Variants in SHANK2 observed in about 807,000 individuals in gnomAD.
SHANK2 encodes SH3 and multiple ankyrin repeat domains protein 2.
Under a neutral mutation model 133.7 loss-of-function variants are expected in SHANK2, and 43 were observed. The ratio of observed to expected loss-of-function variants is 0.32; its 90% confidence interval spans 0.25 to 0.41. SHANK2 has a LOEUF of 0.41. SHANK2 is among the 10% of genes least tolerant of loss of function. The probability of loss-of-function intolerance (pLI) is 1.00; values close to 1 mark genes in which losing one functional copy is unlikely to be tolerated. For synonymous variants in SHANK2, 1,017 were observed against 952.8 expected (o/e 1.07, Z -1.24); for missense variants, 1,994 against 2,235.8 (o/e 0.89, Z 2.18).
In SHANK2 at chr11:70,486,118, G is replaced by A. The variant is rs2058799965; in HGVS notation, c.4175C>T (p.Pro1392Leu). The A allele has an allele frequency of 6.2e-7, 1 of 1,613,744 alleles. No individual in the cohort carries two copies. Among genetic ancestry groups the A allele is most frequent in the Non-Finnish European group, 8.5e-7 (1 of 1,179,850 alleles). ...EEAVILPFRI[P>L]PPPLASVDLD... ...GTCCACGGATGCCAGAGGGGGAGGA[G>A]GGATGCGGAATGGCAAAATCACCGC... The change falls in exon 25 of 26, where the codon CCT becomes CTT. Residue 1392 changes from proline (P) to leucine (L), a missense_variant. Physicochemically the swap from Pro to Leu is moderately conservative, Grantham distance 98. This residue lies in a region of SHANK2 where 797 missense variants were observed against 907.4 expected (regional missense o/e 0.88). Transcript: ENST00000601538. The surrounding 1 kb of genome is among the most constrained non-coding windows in gnomAD (Gnocchi z 8.0).
At chr11:71,083,979 T>TG (rs1223657362) in intron 8 of SHANK2, among the ~76,000 whole-genome samples, 107,684 of 147,628 alleles carry the variant, frequency 0.73, 39,494 homozygotes, top group Admixed American at 0.78. Flanking sequence ...AACTTTTTTT[T>TG]GGGGGGGGGA....
At chr11:71,143,510 A>C (rs1952593120) in intron 3 of SHANK2, among the ~76,000 whole-genome samples, 1 of 152,196 alleles carries the variant, frequency 6.6e-6, no homozygotes, top group Non-Finnish European at 1.5e-5. Flanking sequence ...TCTTGTAAAC[A>C]AGCGTCTGAC....
intron 17 of SHANK2, among the ~76,000 whole-genome samples, chr11:70,541,175 CTGCCTAAGATGGAACGATG>C (rs1385538813): frequency 6.6e-6 from 1 of 152,216 alleles, no homozygotes. Context: ...GTTTTCCCTC[CTGCCTAAGATGGAACGATG>C]CTCCCTGATC....
Position 70,711,666 on chromosome 11 carries a change from G to A in SHANK2, c.1778-12903C>T, listed in dbSNP as rs549353249. 1.4e-4 allele frequency among the ~76,000 whole-genome samples: 21 copies of A among 152,214 alleles called. No homozygotes were observed. The South Asian group carries it at 3.1e-3, about 23-fold the overall frequency. On this transcript the variant is annotated intron_variant, in intron 14 of 25. Coordinates refer to ENST00000601538, the MANE Select transcript of SHANK2 (RefSeq NM_012309.5). ...CAAGCTGTTGGGTATGGGACCCACC[G>A]CGAGGGGGACAGAAGGGCGGGGACC...
chr11:71,090,843 G>A (rs982030152), intron 8 of SHANK2, among the ~76,000 whole-genome samples: 5 of 152,122 alleles, frequency 3.3e-5, no homozygotes, highest in African/African-American at 2.4e-5. Context: ...AGTGTTCAGC[G>A]GGAATCTGGA....
intron 17 of SHANK2, among the ~76,000 whole-genome samples, chr11:70,578,305 C>A (rs782556414): frequency 3.3e-5 from 5 of 152,348 alleles, no homozygotes; most frequent in Middle Eastern, 3.4e-3. Flanking sequence ...CTCCTGCTCC[C>A]CCAAGACAGG....
At chr11:70,758,549 T>C (rs1219183523) in intron 14 of SHANK2, among the ~76,000 whole-genome samples, 2 of 152,206 alleles carry the variant, frequency 1.3e-5, no homozygotes, top group Non-Finnish European at 2.9e-5. Flanking sequence ...ACTGACTGCA[T>C]GGCCCAGGAT....
intron 17 of SHANK2, among the ~76,000 whole-genome samples, chr11:70,619,467 T>A (rs781946035): frequency 2.6e-5 from 4 of 152,178 alleles, no homozygotes; most frequent in Non-Finnish European, 5.9e-5. Context: ...CTCCCCCTTA[T>A]AAGGACGCCT....
At chr11:70,506,860 G>A (rs1218991132) in intron 17 of SHANK2, among the ~76,000 whole-genome samples, 3 of 152,150 alleles carry the variant, frequency 2.0e-5, no homozygotes, top group Non-Finnish European at 4.4e-5. Flanking sequence ...ATGGCTTCCT[G>A]CCCTGGCAAG....
intron 17 of SHANK2, among the ~76,000 whole-genome samples, chr11:70,521,708 G>A (rs1441423900): frequency 5.3e-5 from 8 of 152,284 alleles, no homozygotes; most frequent in Admixed American, 1.3e-4. Flanking sequence ...GAGTGTGCAC[G>A]TGTGTGTGCA....
At chr11:70,545,599 G>A (rs907120933) in intron 17 of SHANK2, among the ~76,000 whole-genome samples, 12 of 152,210 alleles carry the variant, frequency 7.9e-5, no homozygotes, top group African/African-American at 1.2e-4. Flanking sequence ...CCCTCCGTAC[G>A]GCGCCTGCAC....
At chr11:70,504,479 C>T (rs1410151181) in intron 17 of SHANK2, among the ~76,000 whole-genome samples, 2 of 152,210 alleles carry the variant, frequency 1.3e-5, no homozygotes, top group East Asian at 1.9e-4. Context: ...GGGCAGTCCC[C>T]GTGCCAGCTG....
chr11:71,208,725 C>T (rs1256053270), intron 2 of SHANK2, among the ~76,000 whole-genome samples: 1 of 152,132 alleles, frequency 6.6e-6, no homozygotes. Flanking sequence ...TCTCCAGCCT[C>T]AGTTTCCTTA....
intron 17 of SHANK2, among the ~76,000 whole-genome samples, chr11:70,517,091 C>T (rs538981224): frequency 4.4e-4 from 67 of 152,248 alleles, no homozygotes; most frequent in African/African-American, 1.4e-3. Context: ...GAATAGACAA[C>T]TCACCAAAGA....
At chr11:71,119,079 C>G in intron 3 of SHANK2, 47 bp from the exon 4 acceptor site, 1 of 1,524,938 alleles carries the variant, frequency 6.6e-7, no homozygotes, top group East Asian at 2.5e-5. Context: ...AGGACGCTAC[C>G]TGAGTCACCC....
chr11:70,558,321 G>A (rs797038041), intron 17 of SHANK2, among the ~76,000 whole-genome samples: 5 of 152,364 alleles, frequency 3.3e-5, no homozygotes, highest in African/African-American at 1.2e-4. Context: ...TGCCACGGGA[G>A]CTCTCAGCAG....
intron 11 of SHANK2, among the ~76,000 whole-genome samples, chr11:70,870,845 C>T (rs1185467347): frequency 3.3e-5 from 5 of 152,152 alleles, no homozygotes; most frequent in Admixed American, 6.5e-5. Flanking sequence ...GGCACGATCT[C>T]GGCTCACTGC....
At chr11:71,167,149 T>C (rs1555111046) in intron 2 of SHANK2, among the ~76,000 whole-genome samples, 1 of 152,146 alleles carries the variant, frequency 6.6e-6, no homozygotes, top group African/African-American at 2.4e-5. Context: ...AGAATTTTTC[T>C]TAGTACAGAA....
At chr11:70,539,619 C>T (rs1024530599) in intron 17 of SHANK2, among the ~76,000 whole-genome samples, 8 of 152,154 alleles carry the variant, frequency 5.3e-5, no homozygotes, top group Non-Finnish European at 8.8e-5. Context: ...GCGGCAACTC[C>T]GGCGCTCTTA....
Sources: gnomAD v4.1 joint callset for allele counts (sites outside exome capture counted in the v4.1 genomes callset) on GRCh38, gnomAD v4.1.1 for gene constraint, gnomAD v4.1.1 regional missense constraint, Gnocchi (gnomAD v3.1) non-coding constraint, MANE v1.5 for transcripts, NCBI Gene and HGNC (gene_info 2026-07-23, HGNC 2026-07-21) for gene names.